The following WNT6 variants were observed in gnomAD, a reference collection of about 807,000 sequenced individuals.
WNT6 encodes the protein protein Wnt-6.
In WNT6, 27 loss-of-function variants were observed where a neutral mutation model predicts 33.1. The ratio of observed to expected loss-of-function variants is 0.82; its 90% CI spans 0.60 to 1.12. The LOEUF (loss-of-function observed/expected upper bound fraction) is 1.12. WNT6 is among the 50% of genes most tolerant of loss of function. The probability of loss-of-function intolerance (pLI) is 0.00; values close to 1 mark genes in which losing one functional copy is unlikely to be tolerated. For missense variants in WNT6, 494 were observed against 535.3 expected (o/e 0.92, Z 0.76); for synonymous variants, 249 against 242.8 (o/e 1.03, Z -0.24).
chr2:218,864,795 A>G (rs1944339892), intron 1 of WNT6, among the ~76,000 whole-genome samples: 1 of 152,002 alleles, frequency 6.6e-6, no homozygotes, highest in Non-Finnish European at 1.5e-5. Context: ...GCCACCCCCA[A>G]CCCAGGCTGG....
At position 218,859,895 on chromosome 2, in the gene WNT6, C is replaced by A. The variant is rs1944289886; in HGVS notation, c.-143C>A. On this transcript the variant is annotated 5_prime_UTR_variant, in exon 1 of 4. Transcript: ENST00000233948. ...CGCGCCCTCCTCGCCCGGGATGGGC[C>A]CCCCCGCCGCCGCCGGATCCCTCGC... 4.1e-6 allele frequency: 2 copies of A among 491,618 alleles called. No homozygotes were observed. The highest frequency in any genetic ancestry group is 5.6e-6 in the Non-Finnish European group (2 of 358,886). The allele number at this position is 491,618 out of a possible 1,614,324, so 30.5% of individuals were successfully genotyped here. A position where few individuals can be genotyped will look rare whatever the true frequency, so the allele number is the denominator to read the frequency against.
chr2:218,873,607 C>T lies in WNT6; in HGVS notation c.860C>T (p.Ala287Val), dbSNP rs1408841347. 4.5e-6 allele frequency: 7 copies of T among 1,563,318 alleles called. No homozygotes were observed. The Admixed American group carries it at 5.2e-5, about 12-fold the overall frequency. Residue 287 changes from alanine to valine, a missense_variant, in exon 4 of 4, where the codon GCC becomes GTC. Ala to Val is a moderately conservative substitution (Grantham distance 64, BLOSUM62 0). Coordinates refer to ENST00000233948, the MANE Select transcript of WNT6 (RefSeq NM_006522.4). The surrounding 1 kb of genome is among the most constrained non-coding windows in gnomAD (Gnocchi z 6.1). Reference sequence around the variant, plus strand: ...CCGGGCCGAGCGGACCTCCTCTACGCCGCCGATTCGCCCGACTTCTGCGCC... The same window carrying T: ...CCGGGCCGAGCGGACCTCCTCTACGTCGCCGATTCGCCCGACTTCTGCGCC... ...KPPGRADLLY[A>V]ADSPDFCAPN...
chr2:218,866,832 G>C (rs1468185904), intron 1 of WNT6, among the ~76,000 whole-genome samples: 1 of 152,210 alleles, frequency 6.6e-6, no homozygotes, highest in Non-Finnish European at 1.5e-5. Flanking sequence ...CCATGCATGA[G>C]CTTATTGTCT....
intron 1 of WNT6, among the ~76,000 whole-genome samples, chr2:218,869,448 A>G (rs1944381190): frequency 2.0e-5 from 3 of 152,100 alleles, no homozygotes; most frequent in African/African-American, 7.2e-5. Context: ...GTACTTGTGG[A>G]GCAAATGGGG....
Position 218,871,867 on chromosome 2 carries a change from C to T in WNT6, c.636+48C>T, listed in dbSNP as rs371032209. 3 of 1,487,910 alleles carry T rather than the reference C, an allele frequency of 2.0e-6. No individual in the cohort carries two copies. Among genetic ancestry groups the T allele is most frequent in the Non-Finnish European group, 2.7e-6 (3 of 1,112,100 alleles). 92.2% of individuals were successfully genotyped at this position (1,487,910 alleles called of 1,614,324 possible). A position where few individuals can be genotyped will look rare whatever the true frequency, so the allele number is the denominator to read the frequency against. On this transcript the variant is annotated intron_variant, in intron 3 of 3. Coordinates refer to ENST00000233948, the MANE Select transcript of WNT6 (RefSeq NM_006522.4). This position sits in a 1 kb window ranked among gnomAD's most constrained non-coding sequence, Gnocchi z 6.4. ...GAGTGTGTGCGGAAATGTGAGTGTG[C>T]GCGCAGGAGTGTGCTTGAGGAAGTG...
At chr2:218,864,483 T>C (rs1011579668) in intron 1 of WNT6, among the ~76,000 whole-genome samples, 3 of 152,166 alleles carry the variant, frequency 2.0e-5, no homozygotes, top group African/African-American at 7.2e-5. Flanking sequence ...GCCAGGCTGA[T>C]CTCGAACTCC....
chr2:218,869,186 G>A (rs1008371352), intron 1 of WNT6, among the ~76,000 whole-genome samples: 6 of 151,718 alleles, frequency 4.0e-5, no homozygotes, highest in African/African-American at 1.2e-4. Context: ...ACTTGGGTAC[G>A]GATGACGGCA....
At chr2:218,870,955 C>T in intron 1 of WNT6, 72 bp from the exon 2 acceptor site, 1 of 1,403,930 alleles carries the variant, frequency 7.1e-7, no homozygotes, top group Non-Finnish European at 9.7e-7. Flanking sequence ...CTGAGTGGGG[C>T]TGGTCCTCCT....
Position 218,873,371 on chromosome 2 carries a change from C to T in WNT6, c.637-13C>T, listed in dbSNP as rs1284871792. 1 of 1,532,060 alleles carries T rather than the reference C, an allele frequency of 6.5e-7. No individual in the cohort carries two copies. Among genetic ancestry groups the T allele is most frequent in the Non-Finnish European group, 8.7e-7 (1 of 1,144,720 alleles). 94.9% of individuals were successfully genotyped at this position (1,532,060 alleles called of 1,614,324 possible). ...TACCTGTCCACATGCGTCCGCCCCT[C>T]TGCCTCCCGCAGGCCGTGCGGAGCC... On this transcript the variant is annotated splice_polypyrimidine_tract_variant and intron_variant, in intron 3 of 3. Transcript: ENST00000233948. The surrounding 1 kb of genome is among the most constrained non-coding windows in gnomAD (Gnocchi z 6.1).
rs1378326524 is a variant in WNT6, at chr2:218,871,953, G to C, written c.636+134G>C. ...GTTAATGTGTGGGGGAGTGCGCACG[G>C]GCGGAAAGATGGGCTGCAAGCATGG... On this transcript the variant is annotated intron_variant, in intron 3 of 3. Coordinates refer to ENST00000233948, the MANE Select transcript of WNT6 (RefSeq NM_006522.4). This position sits in a 1 kb window ranked among gnomAD's most constrained non-coding sequence, Gnocchi z 6.4. The C allele has an allele frequency of 1.2e-6, 1 of 825,632 alleles. No individual in the cohort carries two copies. The highest frequency in any genetic ancestry group is 1.8e-6 in the Non-Finnish European group (1 of 567,188). 51.1% of individuals were successfully genotyped at this position (825,632 alleles called of 1,614,324 possible).
Position 218,873,714 on chromosome 2 carries a change from C to CTGTG in WNT6, c.968_971dup (p.Cys325ValfsTer96). 1 of 1,575,374 alleles carries CTGTG rather than the reference C, an allele frequency of 6.3e-7. No individual in the cohort carries two copies. The highest frequency in any genetic ancestry group is 1.1e-5 in the South Asian group (1 of 87,558). On this transcript the variant is annotated frameshift_variant, in exon 4 of 4. Transcript: ENST00000233948. LOFTEE classifies it high-confidence loss of function. This position sits in a 1 kb window ranked among gnomAD's most constrained non-coding sequence, Gnocchi z 6.1. The stretch of plus-strand genomic sequence containing the variant: ...CCCGGACCTCAGCGGCTGCGACCTG[C>CTGTG]TGTGCTGCGGCCGCGGGCACCGCCA...
In WNT6 at chr2:218,867,970, G is replaced by A. The variant is rs1412517978; in HGVS notation, c.81-3057G>A. Among the ~76,000 whole-genome samples the A allele has an allele frequency of 4.6e-5, 7 of 152,232 alleles. No individual in the cohort carries two copies. Among genetic ancestry groups the A allele is most frequent in the Non-Finnish European group, 7.3e-5 (5 of 68,038 alleles). ...ACAGAGTTGACAGAAACCAGAGATC[G>A]GAAGCGAAGCTTGGTGTTTTGCCCA... On this transcript the variant is annotated intron_variant, in intron 1 of 3. Coordinates refer to ENST00000233948, the MANE Select transcript of WNT6 (RefSeq NM_006522.4). This position sits in a 1 kb window ranked among gnomAD's most constrained non-coding sequence, Gnocchi z 4.9.
In WNT6 at chr2:218,871,143, C is replaced by T; in HGVS notation, c.197C>T (p.Ala66Val). The stretch of plus-strand genomic sequence containing the variant: ...GAGCCGGAAGTGGTGGCAGAGCTAG[C>T]TCGGGGCGCCCGGCTCGGGGTGCGA... Reference protein sequence around the residue: ...QAEPEVVAELARGARLGVREC... With the variant: ...QAEPEVVAELVRGARLGVREC... The change falls in exon 2 of 4, where the codon GCT (alanine) becomes GTT (valine). Residue 66 changes from alanine to valine, a missense_variant. Physicochemically the swap from Ala to Val is moderately conservative, Grantham distance 64. Transcript: ENST00000233948. The surrounding 1 kb of genome is among the most constrained non-coding windows in gnomAD (Gnocchi z 6.4). 4.3e-6 allele frequency: 7 copies of T among 1,613,776 alleles called. No individual in the cohort carries two copies. The highest frequency in any genetic ancestry group is 4.2e-6 in the Non-Finnish European group (5 of 1,179,944).
chr2:218,872,516 G>C (rs1944411775), intron 3 of WNT6, among the ~76,000 whole-genome samples: 1 of 152,144 alleles, frequency 6.6e-6, no homozygotes, highest in Admixed American at 6.5e-5. Flanking sequence ...AGAGCCCCAG[G>C]AGCTCTCATT....
rs1030243658 is a variant in WNT6 at position 218,874,103 on chromosome 2, C to A, written c.*258C>A. 2.2e-6 allele frequency: 1 copy of A among 450,126 alleles called. No individual in the cohort carries two copies. The highest frequency in any genetic ancestry group is 6.1e-5 in the South Asian group (1 of 16,296). The allele number at this position is 450,126 out of a possible 1,614,324, so 27.9% of individuals were successfully genotyped here. A position where few individuals can be genotyped will look rare whatever the true frequency, so the allele number is the denominator to read the frequency against. ...CTGTACAGGCCCTCCCTCCCCTTGG[C>A]CTCTAGGAGGAAACAGTTTTTTAGA... On this transcript the variant is annotated 3_prime_UTR_variant, in exon 4 of 4. Transcript: ENST00000233948.
rs1368643431 is a variant in WNT6, at chr2:218,867,885, C to G, written c.81-3142C>G. ...GGGGTACGTGAGTCTCTCATGCTAA[C>G]TCCTCAGTTTTTCTGAAGCCCACAA... On this transcript the variant is annotated intron_variant, in intron 1 of 3. Transcript: ENST00000233948. The surrounding 1 kb of genome is among the most constrained non-coding windows in gnomAD (Gnocchi z 4.9). 6.6e-6 allele frequency among the ~76,000 whole-genome samples: 1 copy of G among 152,160 alleles called. No homozygotes were observed. The highest frequency in any genetic ancestry group is 1.5e-5 in the Non-Finnish European group (1 of 68,040).
At chr2:218,860,449 G>C (rs1029727428) in intron 1 of WNT6, among the ~76,000 whole-genome samples, 1 of 152,200 alleles carries the variant, frequency 6.6e-6, no homozygotes, top group Non-Finnish European at 1.5e-5. Flanking sequence ...TGGATTCAGG[G>C]TATGGGGCTG....
intron 1 of WNT6, among the ~76,000 whole-genome samples, chr2:218,861,463 G>C (rs1202666620): frequency 3.3e-5 from 5 of 152,078 alleles, no homozygotes; most frequent in Admixed American, 6.6e-5. Flanking sequence ...TACCTGGCAG[G>C]CTTGCTGGGA....
Position 218,871,159 on chromosome 2 carries a change from CG to C in WNT6, c.217del (p.Val73CysfsTer277), listed in dbSNP as rs2106005398. 1 of 1,613,684 alleles carries C rather than the reference CG, an allele frequency of 6.2e-7. No individual in the cohort carries two copies. The highest frequency in any genetic ancestry group is 8.5e-7 in the Non-Finnish European group (1 of 1,179,934). On this transcript the variant is annotated frameshift_variant, in exon 2 of 4. Coordinates refer to ENST00000233948, the MANE Select transcript of WNT6 (RefSeq NM_006522.4). LOFTEE classifies it high-confidence loss of function. This position sits in a 1 kb window ranked among gnomAD's most constrained non-coding sequence, Gnocchi z 6.4. Reference protein sequence around the residue: ...VAELARGARLGVRECQFQFRF... With the variant: ...VAELARGARLXVRECQFQFRF... ...CAGAGCTAGCTCGGGGCGCCCGGCT[CG>C]GGGTGCGAGAGTGCCAGTTCCAGTT... is the stretch of plus-strand genomic sequence containing the variant.
Sources: allele counts gnomAD v4.1 joint callset (sites outside exome capture counted in the v4.1 genomes callset), GRCh38; gene constraint gnomAD v4.1.1; non-coding constraint Gnocchi (gnomAD v3.1); transcripts MANE v1.5; gene names NCBI Gene and HGNC (gene_info 2026-07-23, HGNC 2026-07-21).